Variants in ERICH6B observed in about 807,000 individuals in gnomAD.
The protein encoded by ERICH6B is glutamate rich 6B.
A neutral mutation model predicts 80.0 loss-of-function variants in ERICH6B; 69 were observed. The observed-to-expected ratio is 0.86, with a 90% CI of 0.71 to 1.05. ERICH6B has a LOEUF of 1.05. Among genes scored for constraint, ERICH6B ranks in the 50% least tolerant of loss-of-function variants. The pLI is 0.00. For synonymous variants in ERICH6B, 283 were observed against 291.9 expected, an observed-to-expected ratio of 0.97 and a Z score of 0.31; for missense variants, 754 against 796.1, an observed-to-expected ratio of 0.95 and a Z score of 0.64.
At chr13:45,606,684 G>A (rs2138036913) in intron 2 of ERICH6B, among the ~76,000 whole-genome samples, 1 of 149,820 alleles carries the variant, frequency 6.7e-6, no homozygotes, top group Admixed American at 6.7e-5. Flanking sequence ...CTCCCAAGTA[G>A]CTGGGACTAC....
chr13:45,552,211 G>C (rs1874250269), intron 11 of ERICH6B, among the ~76,000 whole-genome samples: 1 of 152,074 alleles, frequency 6.6e-6, no homozygotes, highest in East Asian at 1.9e-4. Context: ...CCCTTCTTTG[G>C]TGTTTGCTGA....
chr13:45,547,028 A>C (rs961619591), intron 13 of ERICH6B, among the ~76,000 whole-genome samples: 1 of 152,146 alleles, frequency 6.6e-6, no homozygotes, highest in Non-Finnish European at 1.5e-5. Flanking sequence ...AAATGAACAA[A>C]CAAAAACCTG....
At chr13:45,568,812 A>G (rs1875032302) in intron 8 of ERICH6B, among the ~76,000 whole-genome samples, 1 of 152,138 alleles carries the variant, frequency 6.6e-6, no homozygotes, top group Non-Finnish European at 1.5e-5. Context: ...GAGTATTTCC[A>G]TTATCATCAT....
At chr13:45,584,132 T>C (rs1372052995) in intron 5 of ERICH6B, among the ~76,000 whole-genome samples, 2 of 152,274 alleles carry the variant, frequency 1.3e-5, no homozygotes, top group African/African-American at 2.4e-5. Context: ...GTGGTTACTA[T>C]GTGCCAGGCA....
intron 4 of ERICH6B, 116 bp downstream of exon 4, chr13:45,590,533 C>T (rs1876114129): frequency 1.0e-6 from 1 of 964,990 alleles, no homozygotes; most frequent in Non-Finnish European, 1.5e-6. Flanking sequence ...CCCCACTAAA[C>T]TCCTTCTTCC....
At chr13:45,601,354 C>T (rs1210311173) in intron 2 of ERICH6B, among the ~76,000 whole-genome samples, 2 of 152,140 alleles carry the variant, frequency 1.3e-5, no homozygotes, top group East Asian at 1.9e-4. Flanking sequence ...GAGTTCAAGA[C>T]GAGCCTTGGG....
At chr13:45,556,771 ATG>A (rs1272561233) in intron 11 of ERICH6B, among the ~76,000 whole-genome samples, 1 of 151,864 alleles carries the variant, frequency 6.6e-6, no homozygotes, top group African/African-American at 2.4e-5. Context: ...TCATATATAT[ATG>A]TGTGTGTATA....
At chr13:45,565,335 A>T (rs1874866616) in intron 9 of ERICH6B, among the ~76,000 whole-genome samples, 1 of 152,168 alleles carries the variant, frequency 6.6e-6, no homozygotes, top group Non-Finnish European at 1.5e-5. Flanking sequence ...CCCTGGTGCC[A>T]CTGCTGGAGA....
intron 9 of ERICH6B, among the ~76,000 whole-genome samples, chr13:45,564,933 C>G (rs55924066): frequency 0.097 from 14,829 of 152,140 alleles, 2,116 homozygotes; most frequent in African/African-American, 0.31. Context: ...AGTGGAATCC[C>G]CATCAGGCGG....
chr13:45,583,920 C>A (rs1173642384), intron 5 of ERICH6B, among the ~76,000 whole-genome samples: 1 of 152,128 alleles, frequency 6.6e-6, no homozygotes, highest in Non-Finnish European at 1.5e-5. Flanking sequence ...CACCATCTGA[C>A]CTCTCCTTAC....
rs1164752837 is a variant in ERICH6B at position 45,596,963 on chromosome 13, G to A, written c.43C>T (p.His15Tyr). Residue 15 changes from histidine (H) to tyrosine (Y), a missense_variant, in exon 3 of 15, where the codon CAC becomes TAC. His to Tyr is a moderately conservative substitution (Grantham distance 83, BLOSUM62 2). Coordinates refer to ENST00000298738, the MANE Select transcript of ERICH6B (RefSeq NM_182542.3). ...NNQLSGASPP[H>Y]PPTTPQYSTQ... ...GAATATTGGGGAGTTGTGGGAGGGT[G>A]AGGAGGTGATGCTCCTGATAACTGA... 3.9e-6 allele frequency: 6 copies of A among 1,551,416 alleles called. No individual in the cohort carries two copies. The Admixed American group carries it at 1.2e-4, about 30-fold the overall frequency.
intron 4 of ERICH6B, among the ~76,000 whole-genome samples, chr13:45,588,020 A>C (rs1875991239): frequency 6.6e-6 from 1 of 152,202 alleles, no homozygotes; most frequent in Admixed American, 6.5e-5. Flanking sequence ...ACCTGAGCTT[A>C]AATGTTGGCT....
At chr13:45,584,470 T>G (rs979474719) in intron 5 of ERICH6B, among the ~76,000 whole-genome samples, 3 of 152,218 alleles carry the variant, frequency 2.0e-5, no homozygotes, top group Admixed American at 6.5e-5. Context: ...GGTTGAACAA[T>G]TCCATAATAA....
chr13:45,612,806 A>G (rs1949907268), intron 1 of ERICH6B, among the ~76,000 whole-genome samples: 1 of 152,200 alleles, frequency 6.6e-6, no homozygotes, highest in African/African-American at 2.4e-5. Context: ...GAGGCATAGA[A>G]TCAGAGAGGA....
At chr13:45,603,003 A>C (rs1334285809) in intron 2 of ERICH6B, among the ~76,000 whole-genome samples, 1 of 152,222 alleles carries the variant, frequency 6.6e-6, no homozygotes, top group African/African-American at 2.4e-5. Context: ...AGAATCAGGA[A>C]AGCTGGTGGT....
intron 11 of ERICH6B, among the ~76,000 whole-genome samples, chr13:45,550,903 A>G (rs977394243): frequency 6.6e-6 from 1 of 152,098 alleles, no homozygotes; most frequent in Non-Finnish European, 1.5e-5. Flanking sequence ...AACTCATTAC[A>G]TCTGCAAAGA....
At chr13:45,609,158 A>T (rs1949885556) in intron 1 of ERICH6B, among the ~76,000 whole-genome samples, 2 of 152,210 alleles carry the variant, frequency 1.3e-5, no homozygotes, top group Non-Finnish European at 2.9e-5. Context: ...AATAGACCAC[A>T]TTGCTCCACT....
Position 45,574,875 on chromosome 13 carries a change from A to G in ERICH6B, c.1017T>C (p.Ile339=), listed in dbSNP as rs1261444617. 4 of 1,551,426 alleles carry G rather than the reference A, an allele frequency of 2.6e-6. No individual in the cohort carries two copies. The highest frequency in any genetic ancestry group is 3.5e-6 in the Non-Finnish European group (4 of 1,146,958). The change falls in exon 8 of 15, where the codon ATT becomes ATC. Residue 339 remains isoleucine, a synonymous_variant. Transcript: ENST00000298738. The part of the protein sequence containing the change: ...NFWDGITDES[I]DKLEVEDLDE... ...CTAAATCTTCCACTTCCAGCTTGTC[A>G]ATGGACTCATCTGTTATACCATCCC...
Position 45,549,479 on chromosome 13 carries a change from A to G in ERICH6B, c.1646+414T>C, listed in dbSNP as rs115143463. On this transcript the variant is annotated intron_variant, in intron 13 of 14. Coordinates refer to ENST00000298738, the MANE Select transcript of ERICH6B (RefSeq NM_182542.3). ...GAACTTAAGAACTAACTTCAGTTATAGTGAAATATTTAGAAGTCACGTTTT... is the reference window on the plus strand; with the variant it reads ...GAACTTAAGAACTAACTTCAGTTATGGTGAAATATTTAGAAGTCACGTTTT... 7.9e-3 allele frequency among the ~76,000 whole-genome samples: 1,204 copies of G among 152,318 alleles called. 18 individuals carry two copies. The highest frequency in any genetic ancestry group is 0.027 in the African/African-American group (1,121 of 41,572).
Sources: allele counts gnomAD v4.1 joint callset (sites outside exome capture counted in the v4.1 genomes callset), GRCh38; gene constraint gnomAD v4.1.1; transcripts MANE v1.5; gene names NCBI Gene and HGNC (gene_info 2026-07-23, HGNC 2026-07-21).